NEK11: variants seen among roughly 807,000 people sequenced by gnomAD.
The protein encoded by NEK11 is NIMA related kinase 11, also known as serine/threonine-protein kinase Nek11.
NEK11 carries 72 observed loss-of-function variants against 80.7 expected under a neutral mutation model. The observed-to-expected ratio is 0.89, with a 90% confidence interval of 0.74 to 1.08. The LOEUF (loss-of-function observed/expected upper bound fraction) is 1.08, where lower values mean the gene tolerates loss of function less well. Ranked by LOEUF, NEK11 falls within the 50% of genes least tolerant of loss-of-function variation. The pLI is 0.00. For missense variants in NEK11, 764 were observed against 763.6 expected (o/e 1.00, Z -0.01); for synonymous variants, 251 against 260.7 (o/e 0.96, Z 0.36).
In NEK11 at chr3:131,133,902, A is replaced by G. The variant is rs746370617; in HGVS notation, c.593A>G (p.Tyr198Cys). ...LATTLTGTPHYMSPEALKHQG... is the reference protein window; with the variant it reads ...LATTLTGTPHCMSPEALKHQG... ...ACAACTTTAACTGGAACTCCCCATT[A>G]TATGAGTCCTGAGGCTCTGAAACAC... Residue 198 changes from tyrosine (Y) to cysteine (C), a missense_variant, in exon 7 of 18, where the codon TAT (tyrosine) becomes TGT (cysteine). Tyr to Cys is a radical substitution (Grantham distance 194). Coordinates refer to ENST00000383366, the MANE Select transcript of NEK11 (RefSeq NM_024800.5). The G allele has an allele frequency of 7.4e-6, 12 of 1,612,994 alleles. No homozygotes were observed. The East Asian group carries it at 2.2e-4, about 30-fold the overall frequency.
rs1390113606 is a variant in NEK11, at chr3:131,350,074, C to A, written c.*298C>A. 5 of 328,826 alleles carry A rather than the reference C, an allele frequency of 1.5e-5. No individual in the cohort carries two copies. The highest frequency in any genetic ancestry group is 2.3e-5 in the Non-Finnish European group (4 of 175,524). 20.4% of individuals were successfully genotyped at this position (328,826 alleles called of 1,614,324 possible). A position where few individuals can be genotyped will look rare whatever the true frequency, so the allele number is the denominator to read the frequency against. On this transcript the variant is annotated 3_prime_UTR_variant, in exon 18 of 18. Coordinates refer to ENST00000383366, the MANE Select transcript of NEK11 (RefSeq NM_024800.5). ...AGGGCTTCCAGCAGGATTGAGTCAC[C>A]CTGACGATGACCGGGGAGAAGCCGT...
chr3:131,248,341 T>A lies in NEK11; in HGVS notation c.1621+4845T>A, dbSNP rs528635444. 3.3e-5 allele frequency among the ~76,000 whole-genome samples: 5 copies of A among 152,256 alleles called. No homozygotes were observed. The East Asian group carries it at 9.6e-4, about 29-fold the overall frequency. On this transcript the variant is annotated intron_variant, in intron 16 of 17. Transcript: ENST00000383366. The stretch of plus-strand genomic sequence containing the variant: ...TTCAAATGCTTTTTCTGCATCTATA[T>A]AGATGATCATATGGTTCTTAAAAAA...
intron 3 of NEK11, among the ~76,000 whole-genome samples, chr3:131,039,393 G>A (rs1333384082): frequency 6.6e-6 from 1 of 152,208 alleles, no homozygotes; most frequent in African/African-American, 2.4e-5. Context: ...CCTTCTTGCT[G>A]TTGTTTCTAC....
At chr3:131,303,198 C>T (rs73220537) in intron 17 of NEK11, among the ~76,000 whole-genome samples, 6,382 of 152,140 alleles carry the variant, frequency 0.042, 179 homozygotes, top group Non-Finnish European at 0.067. Flanking sequence ...TTCTCATTCC[C>T]TTTACTTTGA....
chr3:131,167,010 T>C (rs537961565), intron 12 of NEK11, among the ~76,000 whole-genome samples: 69 of 152,348 alleles, frequency 4.5e-4, no homozygotes, highest in African/African-American at 1.6e-3. Context: ...GACAGAATTA[T>C]AAGAATTCCG....
intron 14 of NEK11, among the ~76,000 whole-genome samples, chr3:131,217,485 G>T (rs572991775): frequency 6.1e-4 from 93 of 152,268 alleles, no homozygotes; most frequent in Middle Eastern, 3.4e-3. Context: ...TATGTGTACA[G>T]TTACACATCA....
intron 16 of NEK11, among the ~76,000 whole-genome samples, chr3:131,270,745 C>A (rs1269599811): frequency 6.6e-6 from 1 of 152,164 alleles, no homozygotes; most frequent in Non-Finnish European, 1.5e-5. Context: ...TCTTTCCTAG[C>A]AGACTGAGTG....
At position 131,098,260 on chromosome 3, in the gene NEK11, C is replaced by G. The variant is rs550770231; in HGVS notation, c.337-11543C>G. Among the ~76,000 whole-genome samples, 8 of 152,314 alleles carry G rather than the reference C, an allele frequency of 5.3e-5. No homozygotes were observed. The South Asian group carries it at 1.7e-3, about 32-fold the overall frequency. ...ATAGGCATGGGCAAGGACTTCATGT[C>G]TAAAACACCAAAAGCAATGGCAGCA... is the stretch of plus-strand genomic sequence containing the variant. On this transcript the variant is annotated intron_variant, in intron 4 of 17. Coordinates refer to ENST00000383366, the MANE Select transcript of NEK11 (RefSeq NM_024800.5).
intron 17 of NEK11, among the ~76,000 whole-genome samples, chr3:131,274,755 G>A (rs1428714056): frequency 1.5e-5 from 2 of 136,994 alleles, no homozygotes; most frequent in African/African-American, 2.7e-5. Flanking sequence ...CCGGGTTCAC[G>A]CCATTCTCCT....
rs143988468 is a variant in NEK11 at position 131,314,130 on chromosome 3, A to AGTGTGTGTGTGTGTGTGTGTGT, written c.1719-35424_1719-35403dup. Among the ~76,000 whole-genome samples the AGTGTGTGTGTGTGTGTGTGTGT allele has an allele frequency of 1.7e-4, 25 of 149,332 alleles. No individual in the cohort carries two copies. In the South Asian group the frequency reaches 1.9e-3, roughly 11 times the overall value. ...TTCCAATTTATCCATGGAGAAAAAGAGTGTGTGTGTGTGTGTGTGTGTGTC... is the reference window on the plus strand; with the variant it reads ...TTCCAATTTATCCATGGAGAAAAAGAGTGTGTGTGTGTGTGTGTGTGTGTGTGTGTGTGTGTGTGTGTGTGTC... On this transcript the variant is annotated intron_variant, in intron 17 of 17. Transcript: ENST00000383366.
intron 5 of NEK11, among the ~76,000 whole-genome samples, chr3:131,129,052 CTT>C (rs759751535): frequency 8.2e-5 from 9 of 109,538 alleles, no homozygotes; most frequent in African/African-American, 2.9e-4. Context: ...GGATAACAGT[CTT>C]TTTTTTTTTT....
chr3:131,168,059 C>T (rs1003681518), intron 12 of NEK11, among the ~76,000 whole-genome samples: 1 of 152,236 alleles, frequency 6.6e-6, no homozygotes, highest in Admixed American at 6.5e-5. Context: ...TTCAGGCCCA[C>T]AGACTGGATG....
intron 4 of NEK11, among the ~76,000 whole-genome samples, chr3:131,105,699 G>A (rs1041676541): frequency 6.6e-6 from 1 of 152,112 alleles, no homozygotes; most frequent in African/African-American, 2.4e-5. Flanking sequence ...AACAGCATGG[G>A]GGAAACCACC....
chr3:131,180,177 C>A (rs2093269482), intron 14 of NEK11, among the ~76,000 whole-genome samples: 1 of 152,238 alleles, frequency 6.6e-6, no homozygotes, highest in South Asian at 2.1e-4. Context: ...TACTTCCTTG[C>A]AATTTCATTG....
intron 14 of NEK11, among the ~76,000 whole-genome samples, chr3:131,219,663 G>C (rs746606946): frequency 6.6e-6 from 1 of 152,092 alleles, no homozygotes; most frequent in East Asian, 1.9e-4. Flanking sequence ...AAGGAGAAAG[G>C]CCTCAGAGGA....
At chr3:131,339,134 C>A (rs2097246911) in intron 17 of NEK11, among the ~76,000 whole-genome samples, 1 of 152,108 alleles carries the variant, frequency 6.6e-6, no homozygotes, top group Non-Finnish European at 1.5e-5. Context: ...AAGAATTACT[C>A]ATGATTGAAA....
intron 4 of NEK11, among the ~76,000 whole-genome samples, chr3:131,085,319 C>G (rs1017133205): frequency 1.3e-5 from 2 of 152,144 alleles, no homozygotes; most frequent in East Asian, 3.8e-4. Context: ...CAATTGTAAT[C>G]AAGGGACTTT....
intron 3 of NEK11, among the ~76,000 whole-genome samples, chr3:131,042,038 G>A (rs2066577696): frequency 6.6e-6 from 1 of 152,096 alleles, no homozygotes. Flanking sequence ...AAGCTGTGAG[G>A]GACTGTGCCA....
At chr3:131,212,144 G>A (rs977050335) in intron 14 of NEK11, among the ~76,000 whole-genome samples, 1 of 152,110 alleles carries the variant, frequency 6.6e-6, no homozygotes, top group Non-Finnish European at 1.5e-5. Flanking sequence ...TACAGATGCG[G>A]TTTTGGTGTG....
Sources: gnomAD v4.1 joint callset for allele counts (sites outside exome capture counted in the v4.1 genomes callset) on GRCh38, gnomAD v4.1.1 for gene constraint, MANE v1.5 for transcripts, NCBI Gene and HGNC (gene_info 2026-07-23, HGNC 2026-07-21) for gene names.